The following MIPOL1 variants were observed in gnomAD, a reference collection of about 807,000 sequenced individuals.
The protein encoded by MIPOL1 is mirror-image polydactyly gene 1 protein.
A neutral mutation model predicts 60.9 loss-of-function variants in MIPOL1; 57 were observed. That is an observed-to-expected ratio of 0.94 (90% CI 0.76 to 1.17). The LOEUF is 1.17. Ranked by LOEUF, MIPOL1 falls within the 50% of genes most tolerant of loss-of-function variation. The pLI is 0.00. For missense variants in MIPOL1, 551 were observed against 511.6 expected (o/e 1.08, Z -0.74); for synonymous variants, 179 against 168.8 (o/e 1.06, Z -0.47).
chr14:37,455,971 AAATT>A (rs1403111178), intron 11 of MIPOL1, among the ~76,000 whole-genome samples: 8 of 152,214 alleles, frequency 5.3e-5, no homozygotes, highest in South Asian at 2.1e-4. Context: ...TTTTCCCATT[AAATT>A]AATTATTTGT....
At chr14:37,521,893 A>ATAT (rs1555367650) in intron 12 of MIPOL1, among the ~76,000 whole-genome samples, 7 of 123,576 alleles carry the variant, frequency 5.7e-5, no homozygotes, top group African/African-American at 2.1e-4. Flanking sequence ...AAGAAAAAAA[A>ATAT]ATATATATAT....
chr14:37,429,852 T>C (rs1052961828), intron 11 of MIPOL1, among the ~76,000 whole-genome samples: 1 of 152,108 alleles, frequency 6.6e-6, no homozygotes, highest in Admixed American at 6.5e-5. Flanking sequence ...TTTGTTTTAA[T>C]GGTAGTGATA....
chr14:37,439,418 T>C (rs2094208770), intron 11 of MIPOL1, among the ~76,000 whole-genome samples: 1 of 152,230 alleles, frequency 6.6e-6, no homozygotes, highest in Admixed American at 6.5e-5. Context: ...ATTGTTAACA[T>C]GTATTTAGTT....
intron 1 of MIPOL1, among the ~76,000 whole-genome samples, chr14:37,212,963 A>T (rs1350547524): frequency 6.6e-6 from 1 of 152,190 alleles, no homozygotes; most frequent in South Asian, 2.1e-4. Context: ...GATCTTGTCC[A>T]AGATTATCAA....
At chr14:37,377,218 T>C (rs2092800438) in intron 10 of MIPOL1, among the ~76,000 whole-genome samples, 1 of 152,148 alleles carries the variant, frequency 6.6e-6, no homozygotes, top group African/African-American at 2.4e-5. Context: ...ACTGGAAAAG[T>C]TAAATACTTT....
intron 11 of MIPOL1, among the ~76,000 whole-genome samples, chr14:37,445,720 C>CAGAGATAT (rs1210117249): frequency 6.6e-6 from 1 of 151,658 alleles, no homozygotes; most frequent in Non-Finnish European, 1.5e-5. Flanking sequence ...GGTACCAAAA[C>CAGAGATAT]AGAGATATAG....
chr14:37,237,948 G>GT (rs894939632), intron 1 of MIPOL1, among the ~76,000 whole-genome samples: 8 of 151,718 alleles, frequency 5.3e-5, no homozygotes, highest in South Asian at 4.2e-4. Context: ...TTTTGAGCTT[G>GT]TTTTTTTTGA....
intron 1 of MIPOL1, among the ~76,000 whole-genome samples, chr14:37,203,380 G>T (rs185711180): frequency 2.0e-4 from 30 of 152,234 alleles, no homozygotes; most frequent in African/African-American, 7.0e-4. Flanking sequence ...GAGACCGTAG[G>T]GGTCATTTAG....
chr14:37,454,249 G>A (rs17179078), intron 11 of MIPOL1, among the ~76,000 whole-genome samples: 34,485 of 152,028 alleles, frequency 0.23, 4,438 homozygotes, highest in South Asian at 0.36. Flanking sequence ...ACTCCAACTG[G>A]ATTACAGGCC....
At position 37,540,811 on chromosome 14, in the gene MIPOL1, C is replaced by A. The variant is rs527934028; in HGVS notation, c.1263-6094C>A. ...ACTAGACACCAGCCTTTCTCCCTTA[C>A]CCCATGTAATAGGAAGGAAAGCTCT... On this transcript the variant is annotated intron_variant, in intron 12 of 12. Transcript: ENST00000684589. 1.4e-4 allele frequency among the ~76,000 whole-genome samples: 21 copies of A among 152,292 alleles called. No individual in the cohort carries two copies. In the South Asian group the frequency reaches 2.9e-3, roughly 21 times the overall value.
intron 7 of MIPOL1, among the ~76,000 whole-genome samples, chr14:37,299,673 G>A (rs940025767): frequency 1.4e-4 from 21 of 152,010 alleles, no homozygotes; most frequent in African/African-American, 5.1e-4. Context: ...GATAGTTGCT[G>A]CATAATCCTC....
chr14:37,297,909 C>T (rs1228111097), intron 7 of MIPOL1, among the ~76,000 whole-genome samples: 3 of 152,050 alleles, frequency 2.0e-5, no homozygotes, highest in Non-Finnish European at 4.4e-5. Flanking sequence ...TAATGCCATC[C>T]CCATCAAGCT....
chr14:37,215,197 G>A (rs547875468), intron 1 of MIPOL1, among the ~76,000 whole-genome samples: 10 of 152,218 alleles, frequency 6.6e-5, no homozygotes, highest in South Asian at 4.1e-4. Context: ...CAATGGACAC[G>A]TGACCAATGT....
At chr14:37,303,233 G>T (rs938718818) in intron 7 of MIPOL1, among the ~76,000 whole-genome samples, 10 of 151,928 alleles carry the variant, frequency 6.6e-5, no homozygotes, top group African/African-American at 1.4e-4. Context: ...AGACTACTTG[G>T]CCAAAGACTC....
At chr14:37,320,492 A>G (rs1480784523) in intron 9 of MIPOL1, among the ~76,000 whole-genome samples, 2 of 151,854 alleles carry the variant, frequency 1.3e-5, no homozygotes, top group Non-Finnish European at 1.5e-5. Context: ...CCATTATTAA[A>G]TTTTGTTGTT....
intron 12 of MIPOL1, among the ~76,000 whole-genome samples, chr14:37,509,755 AC>A (rs1157092787): frequency 6.6e-6 from 1 of 151,246 alleles, no homozygotes; most frequent in African/African-American, 2.4e-5. Context: ...CATGTGATAC[AC>A]ATACATGTAT....
chr14:37,472,524 A>G (rs2094703216), intron 11 of MIPOL1, among the ~76,000 whole-genome samples: 1 of 152,172 alleles, frequency 6.6e-6, no homozygotes, highest in African/African-American at 2.4e-5. Flanking sequence ...TTTTCTGACT[A>G]AGTACCCCCA....
At chr14:37,331,323 T>C (rs1444325955) in intron 9 of MIPOL1, among the ~76,000 whole-genome samples, 1 of 152,154 alleles carries the variant, frequency 6.6e-6, no homozygotes, top group Non-Finnish European at 1.5e-5. Flanking sequence ...GGGGATTGCA[T>C]TGAATCTGTA....
intron 1 of MIPOL1, among the ~76,000 whole-genome samples, chr14:37,225,724 C>T (rs565049513): frequency 2.6e-5 from 4 of 152,288 alleles, no homozygotes; most frequent in Admixed American, 2.0e-4. Flanking sequence ...ATATTTGGCT[C>T]CTCATTACTT....
Sources: gnomAD v4.1 joint callset for allele counts (sites outside exome capture counted in the v4.1 genomes callset) on GRCh38, gnomAD v4.1.1 for gene constraint, MANE v1.5 for transcripts, NCBI Gene and HGNC (gene_info 2026-07-23, HGNC 2026-07-21) for gene names.